DSCAM: variants seen among roughly 807,000 people sequenced by gnomAD.
DSCAM encodes DS cell adhesion molecule, also known as cell adhesion molecule DSCAM.
In DSCAM, 47 loss-of-function variants were observed where a neutral mutation model predicts 217.7. The ratio of observed to expected loss-of-function variants is 0.22; its 90% CI spans 0.17 to 0.28. The LOEUF is 0.28. DSCAM is among the 10% of genes least tolerant of loss of function. The pLI is 1.00. For synonymous variants in DSCAM, 1,056 were observed against 1,015.3 expected (o/e 1.04, Z -0.76); for missense variants, 2,080 against 2,618.3 (o/e 0.79, Z 4.49).
At chr21:40,643,288 T>C (rs1267286562) in intron 3 of DSCAM, among the ~76,000 whole-genome samples, 1 of 152,248 alleles carries the variant, frequency 6.6e-6, no homozygotes, top group East Asian at 1.9e-4. Context: ...GACTTCTTCT[T>C]GTTTTATTTT....
chr21:40,646,045 T>C (rs12483749), intron 3 of DSCAM, among the ~76,000 whole-genome samples: 57,819 of 151,818 alleles, frequency 0.38, 11,829 homozygotes, highest in East Asian at 0.6. Flanking sequence ...ACCATGAAGT[T>C]TGAGCCGATG....
chr21:40,151,972 A>G (rs1437991840), intron 16 of DSCAM, among the ~76,000 whole-genome samples: 1 of 152,188 alleles, frequency 6.6e-6, no homozygotes, highest in Non-Finnish European at 1.5e-5. Flanking sequence ...GAAGGATTCC[A>G]GAAAGAGAAT....
intron 3 of DSCAM, among the ~76,000 whole-genome samples, chr21:40,536,537 G>A (rs1443388045): frequency 3.3e-5 from 5 of 151,840 alleles, no homozygotes; most frequent in Non-Finnish European, 7.4e-5. Context: ...TAGTAGCTGG[G>A]ACTACAGGCG....
chr21:40,665,397 G>A (rs1030288942), intron 3 of DSCAM, among the ~76,000 whole-genome samples: 3 of 152,196 alleles, frequency 2.0e-5, no homozygotes, highest in Admixed American at 1.3e-4. Context: ...CTCTGAGCAG[G>A]CTGTTGTGGA....
intron 1 of DSCAM, among the ~76,000 whole-genome samples, chr21:40,769,636 A>T (rs1212883998): frequency 6.6e-6 from 1 of 152,224 alleles, no homozygotes; most frequent in East Asian, 1.9e-4. Flanking sequence ...TCTTTCCCTG[A>T]CCAGACTTTA....
chr21:40,193,947 C>T (rs1389733267), intron 11 of DSCAM, among the ~76,000 whole-genome samples: 1 of 152,176 alleles, frequency 6.6e-6, no homozygotes, highest in African/African-American at 2.4e-5. Context: ...TTCCCTAGTA[C>T]TTTAAAACCA....
At chr21:40,577,195 T>C (rs916793555) in intron 3 of DSCAM, among the ~76,000 whole-genome samples, 40 of 151,076 alleles carry the variant, frequency 2.6e-4, no homozygotes, top group African/African-American at 9.5e-4. Context: ...CATCCCTTAT[T>C]ATGGAGAAAT....
At chr21:40,179,747 A>G (rs2090778511) in intron 14 of DSCAM, among the ~76,000 whole-genome samples, 1 of 152,372 alleles carries the variant, frequency 6.6e-6, no homozygotes, top group Non-Finnish European at 1.5e-5. Flanking sequence ...GCTAATTATA[A>G]CAGCAGCACC....
intron 3 of DSCAM, among the ~76,000 whole-genome samples, chr21:40,585,464 CAT>C (rs1276011552): frequency 6.7e-6 from 1 of 150,234 alleles, no homozygotes; most frequent in Non-Finnish European, 1.5e-5. Context: ...TAAAAGAACA[CAT>C]ATGCAAAAGT....
At chr21:40,295,389 C>A (rs2073942827) in intron 10 of DSCAM, among the ~76,000 whole-genome samples, 1 of 152,148 alleles carries the variant, frequency 6.6e-6, no homozygotes, top group African/African-American at 2.4e-5. Flanking sequence ...TGATTCCACT[C>A]TTCGTTTCCA....
chr21:40,365,397 C>A (rs2074820540), intron 4 of DSCAM, among the ~76,000 whole-genome samples: 1 of 152,156 alleles, frequency 6.6e-6, no homozygotes, highest in African/African-American at 2.4e-5. Flanking sequence ...GACGCTTGGA[C>A]CTTCGACCAC....
At chr21:40,067,879 T>C (rs1048570526) in intron 27 of DSCAM, among the ~76,000 whole-genome samples, 10 of 151,816 alleles carry the variant, frequency 6.6e-5, no homozygotes, top group Non-Finnish European at 1.3e-4. Context: ...AGCTCTCCTG[T>C]CTACCTGCCA....
chr21:40,415,624 C>T lies in DSCAM; in HGVS notation c.509-46379G>A, dbSNP rs540239104. Among the ~76,000 whole-genome samples, 16 of 152,268 alleles carry T rather than the reference C, an allele frequency of 1.1e-4. No homozygotes were observed. In the South Asian group the frequency reaches 3.1e-3, roughly 30 times the overall value. Reference sequence around the variant, plus strand: ...GCCTAGGCCTGGACAGGGAAGTTGCCCTGGCCCTGGAGAAATCTGATCTGC... The same window carrying T: ...GCCTAGGCCTGGACAGGGAAGTTGCTCTGGCCCTGGAGAAATCTGATCTGC... On this transcript the variant is annotated intron_variant, in intron 3 of 32. Coordinates refer to ENST00000400454, the MANE Select transcript of DSCAM (RefSeq NM_001389.5).
chr21:40,175,276 A>AT lies in DSCAM; in HGVS notation c.2947+3650dup, dbSNP rs1002638127. Among the ~76,000 whole-genome samples, 443 of 151,304 alleles carry AT rather than the reference A, an allele frequency of 2.9e-3. 4 individuals carry two copies. Among genetic ancestry groups the AT allele is most frequent in the African/African-American group, 9.4e-3 (389 of 41,256 alleles). ...AGGCATGTGCCACAATGCATGGCTA[A>AT]TTTTTTTTTGTATTTTTAGTAGAGA... On this transcript the variant is annotated intron_variant, in intron 15 of 32. Coordinates refer to ENST00000400454, the MANE Select transcript of DSCAM (RefSeq NM_001389.5).
At chr21:40,462,720 T>C (rs987034576) in intron 3 of DSCAM, among the ~76,000 whole-genome samples, 1 of 152,158 alleles carries the variant, frequency 6.6e-6, no homozygotes, top group African/African-American at 2.4e-5. Context: ...CCCTAGGTGA[T>C]CTAATTGATT....
At chr21:40,731,287 AAT>A (rs1426521458) in intron 1 of DSCAM, among the ~76,000 whole-genome samples, 1 of 152,260 alleles carries the variant, frequency 6.6e-6, no homozygotes, top group African/African-American at 2.4e-5. Context: ...TAGTGAGAAT[AAT>A]GTTAACAAGA....
chr21:40,259,277 T>TC (rs34677410), intron 11 of DSCAM, among the ~76,000 whole-genome samples: 4,661 of 126,354 alleles, frequency 0.037, 224 homozygotes, highest in African/African-American at 0.13. Context: ...TAATGAACTC[T>TC]TTTTTTTTTT....
intron 20 of DSCAM, among the ~76,000 whole-genome samples, chr21:40,098,478 A>C (rs1041371920): frequency 6.6e-6 from 1 of 152,214 alleles, no homozygotes; most frequent in Non-Finnish European, 1.5e-5. Context: ...CAACTGCAGA[A>C]CAATGGCTCC....
At position 40,093,796 on chromosome 21, in the gene DSCAM, C is replaced by A; in HGVS notation, c.3775G>T (p.Val1259Phe). The change falls in exon 21 of 33, where the codon GTC (valine) becomes TTC (phenylalanine). Residue 1259 changes from valine to phenylalanine, a missense_variant. Val to Phe is a conservative substitution (Grantham distance 50, BLOSUM62 -1). This residue lies in a region of DSCAM where 1,144 missense variants were observed against 1,421.1 expected (regional missense o/e 0.81). Transcript: ENST00000400454. ...PNLSRNRQYSVWVVAVTSAGR... is the reference protein window; with the variant it reads ...PNLSRNRQYSFWVVAVTSAGR... ...GCTGAAGTAACAGCCACCACCCAGA[C>A]GCTGTACTGACGATTCCTACTCAGG... is the stretch of plus-strand genomic sequence containing the variant. 6.2e-7 allele frequency: 1 copy of A among 1,614,018 alleles called. No homozygotes were observed. The highest frequency in any genetic ancestry group is 1.1e-5 in the South Asian group (1 of 91,068).
Sources: allele counts gnomAD v4.1 joint callset (sites outside exome capture counted in the v4.1 genomes callset), GRCh38; gene constraint gnomAD v4.1.1; regional missense constraint gnomAD v4.1.1; transcripts MANE v1.5; gene names NCBI Gene and HGNC (gene_info 2026-07-23, HGNC 2026-07-21).